SLC2A10: variants seen among roughly 807,000 people sequenced by gnomAD.
SLC2A10 encodes the protein solute carrier family 2 member 10, also known as solute carrier family 2, facilitated glucose transporter member 10.
SLC2A10 carries 25 observed loss-of-function variants against 32.1 expected under a neutral mutation model. The observed-to-expected ratio is 0.78, with a 90% CI of 0.57 to 1.09. The LOEUF (loss-of-function observed/expected upper bound fraction) is 1.09, where lower values mean the gene tolerates loss of function less well. Among genes scored for constraint, SLC2A10 ranks in the 50% least tolerant of loss-of-function variants. The probability of loss-of-function intolerance (pLI) is 0.00; values close to 1 mark genes in which losing one functional copy is unlikely to be tolerated. For synonymous variants in SLC2A10, 332 were observed against 309.6 expected (o/e 1.07, Z -0.76); for missense variants, 673 against 686.5 (o/e 0.98, Z 0.22).
Position 46,726,290 on chromosome 20 carries a change from C to A in SLC2A10, c.1254C>A (p.Val418=), listed in dbSNP as rs1293284160. The A allele has an allele frequency of 6.2e-7, 1 of 1,612,046 alleles. No homozygotes were observed. Among genetic ancestry groups the A allele is most frequent in the South Asian group, 1.1e-5 (1 of 91,080 alleles). The change falls in exon 2 of 5, where the codon GTC becomes GTA. Residue 418 remains valine, a synonymous_variant. Transcript: ENST00000359271. ...LRWTALLCLM[V]FVSAFSFGFG... ...GGACCGCACTGCTGTGCCTGATGGT[C>A]TTTGTCAGTGCCTTCTCCTTTGGGT...
In SLC2A10 at chr20:46,726,068, C is replaced by T. The variant is rs1301992983; in HGVS notation, c.1032C>T (p.Asp344=). The T allele has an allele frequency of 9.9e-6, 16 of 1,614,124 alleles. No individual in the cohort carries two copies. Among genetic ancestry groups the T allele is most frequent in the African/African-American group, 1.3e-5 (1 of 74,956 alleles). Residue 344 remains aspartate, a synonymous_variant, in exon 2 of 5, where the codon GAC becomes GAT. Coordinates refer to ENST00000359271, the MANE Select transcript of SLC2A10 (RefSeq NM_030777.4). ...NATGQTGLPG[D]SGLLQDSSLP... ...CCGGGCAGACAGGCCTCCCTGGAGA[C>T]TCTGGCCTGCTGCAGGACTCCTCTC... is the stretch of plus-strand genomic sequence containing the variant.
In SLC2A10 at chr20:46,725,114, G is replaced by A. The variant is rs776293698; in HGVS notation, c.78G>A (p.Leu26=). 1.9e-6 allele frequency: 3 copies of A among 1,614,204 alleles called. No individual in the cohort carries two copies. The highest frequency in any genetic ancestry group is 8.5e-7 in the Non-Finnish European group (1 of 1,180,038). Residue 26 remains leucine, a synonymous_variant, in exon 2 of 5, where the codon CTG becomes CTA. Transcript: ENST00000359271. ...LLGGLTFGYE[L]AVISGALLPL... ...GTGGCCTGACCTTTGGTTATGAACT[G>A]GCAGTCATATCAGGTGCCCTGCTGC...
chr20:46,711,493 G>GA (rs1030769854), intron 1 of SLC2A10, among the ~76,000 whole-genome samples: 5 of 152,104 alleles, frequency 3.3e-5, no homozygotes, highest in Admixed American at 2.0e-4. Flanking sequence ...CAGAGCCTGA[G>GA]AAAAAAATGA....
chr20:46,732,112 G>A (rs983628322), intron 4 of SLC2A10, among the ~76,000 whole-genome samples: 2 of 152,146 alleles, frequency 1.3e-5, no homozygotes, highest in African/African-American at 4.8e-5. Context: ...GTTGGAAATG[G>A]GGACCTACAT....
intron 4 of SLC2A10, among the ~76,000 whole-genome samples, chr20:46,732,646 A>C (rs1404284959): frequency 6.6e-6 from 1 of 152,064 alleles, no homozygotes; most frequent in Non-Finnish European, 1.5e-5. Flanking sequence ...TGTATCAGGA[A>C]TTTTCAACAA....
At position 46,729,364 on chromosome 20, in the gene SLC2A10, T is replaced by G. The variant is rs754355572; in HGVS notation, c.1423T>G (p.Leu475Val). ...CCTCCTGTTTCCAGGCACCATCGGC[T>G]TGTCCTGGACCTTCCTGCTCTACGG... ...SFLDLIGTIGLSWTFLLYGLT... is the reference protein window; with the variant it reads ...SFLDLIGTIGVSWTFLLYGLT... Residue 475 changes from leucine to valine, a missense_variant, in exon 4 of 5, where the codon TTG (leucine) becomes GTG (valine). Transcript: ENST00000359271. 14 of 1,613,802 alleles carry G rather than the reference T, an allele frequency of 8.7e-6. No homozygotes were observed. The East Asian group carries it at 8.9e-5, about 10-fold the overall frequency.
Position 46,734,272 on chromosome 20 carries a change from A to G in SLC2A10, c.*438A>G, listed in dbSNP as rs551169038. Reference sequence around the variant, plus strand: ...GGCTGGGACATTTTCGGAAGGGGGAAGTCTCTTTTTTTACTCTTATCATTT... The same window carrying G: ...GGCTGGGACATTTTCGGAAGGGGGAGGTCTCTTTTTTTACTCTTATCATTT... On this transcript the variant is annotated 3_prime_UTR_variant, in exon 5 of 5. Coordinates refer to ENST00000359271, the MANE Select transcript of SLC2A10 (RefSeq NM_030777.4). 2.9e-4 allele frequency: 61 copies of G among 213,814 alleles called. No homozygotes were observed. Among genetic ancestry groups the G allele is most frequent in the African/African-American group, 1.4e-3 (59 of 42,048 alleles). The allele number at this position is 213,814 out of a possible 1,614,324, so 13.2% of individuals were successfully genotyped here. A position where few individuals can be genotyped will look rare whatever the true frequency, so the allele number is the denominator to read the frequency against.
At position 46,721,824 on chromosome 20, in the gene SLC2A10, GACC is replaced by G. The variant is rs1979571454; in HGVS notation, c.5-3216_5-3214del. Among the ~76,000 whole-genome samples, 3 of 152,282 alleles carry G rather than the reference GACC, an allele frequency of 2.0e-5. No homozygotes were observed. In the East Asian group the frequency reaches 5.8e-4, roughly 29 times the overall value. ...TTGTCTATGTATAGCAATTCCCTGA[GACC>G]CACTTGCTCATCCCTATGTGTGGGT... On this transcript the variant is annotated intron_variant, in intron 1 of 4. Coordinates refer to ENST00000359271, the MANE Select transcript of SLC2A10 (RefSeq NM_030777.4).
rs561023843 is a variant in SLC2A10 at position 46,715,180 on chromosome 20, A to G, written c.4+5440A>G. Among the ~76,000 whole-genome samples, 3 of 152,364 alleles carry G rather than the reference A, an allele frequency of 2.0e-5. No individual in the cohort carries two copies. The East Asian group carries it at 5.8e-4, about 29-fold the overall frequency. ...TTGAGGGAAGGAACATAAAGTCTTC[A>G]CACAGAGGAGGTCTCCATACATGAT... On this transcript the variant is annotated intron_variant, in intron 1 of 4. Transcript: ENST00000359271.
intron 3 of SLC2A10, among the ~76,000 whole-genome samples, chr20:46,728,120 A>G (rs1481302360): frequency 6.6e-6 from 1 of 152,120 alleles, no homozygotes; most frequent in East Asian, 1.9e-4. Flanking sequence ...GGGAGGAAGG[A>G]AGGAAGGAAT....
intron 1 of SLC2A10, among the ~76,000 whole-genome samples, chr20:46,710,661 G>A (rs1978855242): frequency 6.6e-6 from 1 of 152,186 alleles, no homozygotes; most frequent in Non-Finnish European, 1.5e-5. Context: ...CCAGGTGGCA[G>A]CAACAGTGCA....
At chr20:46,714,154 G>C (rs1979089051) in intron 1 of SLC2A10, among the ~76,000 whole-genome samples, 1 of 152,190 alleles carries the variant, frequency 6.6e-6, no homozygotes, top group Non-Finnish European at 1.5e-5. Context: ...CTCATACAGT[G>C]TTGTCAGGAA....
At chr20:46,708,687 C>A (rs1263058313), upstream of SLC2A10, among the ~76,000 whole-genome samples, 3 of 152,210 alleles carry the variant, frequency 2.0e-5, no homozygotes, top group Non-Finnish European at 4.4e-5. Context: ...TGGCCCTTAA[C>A]CAGTTAGAAC....
intron 1 of SLC2A10, among the ~76,000 whole-genome samples, chr20:46,724,283 T>C (rs892137170): frequency 7.2e-5 from 11 of 152,252 alleles, no homozygotes; most frequent in Non-Finnish European, 1.6e-4. Context: ...CTAAGAGCAC[T>C]TCCTGGCATG....
chr20:46,734,443 T>C lies in SLC2A10; in HGVS notation c.*609T>C, dbSNP rs534529918. 1 of 158,666 alleles carries C rather than the reference T, an allele frequency of 6.3e-6. No individual in the cohort carries two copies. The highest frequency in any genetic ancestry group is 1.4e-5 in the Non-Finnish European group (1 of 72,026). The allele number at this position is 158,666 out of a possible 1,614,324, so 9.8% of individuals were successfully genotyped here. A position where few individuals can be genotyped will look rare whatever the true frequency, so the allele number is the denominator to read the frequency against. Reference sequence around the variant, plus strand: ...ACAGGCGCATGCAACCATACCCAGCTAATTTATTTTTAGCAGAGATGGGGT... The same window carrying C: ...ACAGGCGCATGCAACCATACCCAGCCAATTTATTTTTAGCAGAGATGGGGT... On this transcript the variant is annotated 3_prime_UTR_variant, in exon 5 of 5. Transcript: ENST00000359271.
At chr20:46,729,317 G>C in intron 3 of SLC2A10, 36 bp from the exon 4 acceptor site, 1 of 1,612,414 alleles carries the variant, frequency 6.2e-7, no homozygotes. Context: ...CAGAGTGCTT[G>C]GTCCTGGGCC....
At chr20:46,721,219 T>C (rs73295903) in intron 1 of SLC2A10, among the ~76,000 whole-genome samples, 2,525 of 152,248 alleles carry the variant, frequency 0.017, 63 homozygotes, top group African/African-American at 0.048. Context: ...GGGAACCACA[T>C]AAAGGCATAA....
Position 46,729,504 on chromosome 20 carries a change from G to C in SLC2A10, c.1547+16G>C, listed in dbSNP as rs765696201. 8 of 1,613,832 alleles carry C rather than the reference G, an allele frequency of 5.0e-6. No homozygotes were observed. Among genetic ancestry groups the C allele is most frequent in the South Asian group, 3.3e-5 (3 of 91,066 alleles). ...AGAAGAGACGGTAGGAAGCTGACAG[G>C]GTGGGTCTGGGGGAAGAGCTGTAGC... On this transcript the variant is annotated intron_variant, in intron 4 of 4. Coordinates refer to ENST00000359271, the MANE Select transcript of SLC2A10 (RefSeq NM_030777.4).
At chr20:46,729,797 C>T (rs1284233976) in intron 4 of SLC2A10, among the ~76,000 whole-genome samples, 3 of 151,946 alleles carry the variant, frequency 2.0e-5, no homozygotes, top group African/African-American at 7.3e-5. Flanking sequence ...CGCCCGCCAC[C>T]ACGCCCGGCT....
Sources: gnomAD v4.1 joint callset for allele counts (sites outside exome capture counted in the v4.1 genomes callset) on GRCh38, gnomAD v4.1.1 for gene constraint, MANE v1.5 for transcripts, NCBI Gene and HGNC (gene_info 2026-07-23, HGNC 2026-07-21) for gene names.